ARHGAP29: variants seen among roughly 807,000 people sequenced by gnomAD.
The protein encoded by ARHGAP29 is rho GTPase-activating protein 29.
In ARHGAP29, 43 loss-of-function variants were observed where a neutral mutation model predicts 122.6. The ratio of observed to expected loss-of-function variants is 0.35; its 90% confidence interval spans 0.27 to 0.45. The LOEUF (loss-of-function observed/expected upper bound fraction) is 0.45. ARHGAP29 is among the 20% of genes least tolerant of loss of function. ARHGAP29 has a pLI of 1.00. For missense variants in ARHGAP29, 1,303 were observed against 1,477.2 expected, an observed-to-expected ratio of 0.88 and a Z score of 1.93; for synonymous variants, 506 against 497.1, an observed-to-expected ratio of 1.02 and a Z score of -0.24.
chr1:94,308,573 A>T, the ARHGAP29 span, among the ~76,000 whole-genome samples: 3 of 152,200 alleles, frequency 2.0e-5, no homozygotes, highest in African/African-American at 7.2e-5. Flanking sequence ...ACCCAAGCCA[A>T]GTCACGTCAT....
At chr1:94,302,532 C>T in the ARHGAP29 span, 13 of 317,316 alleles carry the variant, frequency 4.1e-5, no homozygotes, top group African/African-American at 2.2e-4. Flanking sequence ...CATCATGAAG[C>T]GACTCAGCAT....
chr1:94,180,790 T>C (rs17111205), intron 19 of ARHGAP29, among the ~76,000 whole-genome samples: 13,495 of 152,216 alleles, frequency 0.089, 876 homozygotes, highest in African/African-American at 0.17. Context: ...GAATGGAACA[T>C]GGTTTCCCAC....
At chr1:94,219,458 C>T (rs186387622) in intron 3 of ARHGAP29, among the ~76,000 whole-genome samples, 2 of 152,322 alleles carry the variant, frequency 1.3e-5, no homozygotes, top group Non-Finnish European at 2.9e-5. Flanking sequence ...TCCATAACCA[C>T]TAACATTCAA....
intron 3 of ARHGAP29, among the ~76,000 whole-genome samples, chr1:94,209,945 G>C (rs1054891877): frequency 1.3e-5 from 2 of 151,300 alleles, no homozygotes; most frequent in East Asian, 3.9e-4. Flanking sequence ...ACAGGCTCTT[G>C]GGCTCTGAGG....
At chr1:94,177,526 A>G (rs1649168242) in intron 22 of ARHGAP29, 86 bp downstream of exon 22, 1 of 992,480 alleles carries the variant, frequency 1.0e-6, no homozygotes, top group African/African-American at 1.6e-5. Context: ...GGCTTCCCTC[A>G]TTGCCCCTCA....
At chr1:94,215,893 A>T (rs1651931905) in intron 3 of ARHGAP29, among the ~76,000 whole-genome samples, 1 of 152,158 alleles carries the variant, frequency 6.6e-6, no homozygotes, top group African/African-American at 2.4e-5. Flanking sequence ...AGAAAAGCAG[A>T]TAAAAGGTCA....
At chr1:94,211,834 C>T (rs1449794454) in intron 3 of ARHGAP29, among the ~76,000 whole-genome samples, 3 of 152,170 alleles carry the variant, frequency 2.0e-5, no homozygotes, top group African/African-American at 7.2e-5. Flanking sequence ...ATAAATGTGA[C>T]AAGTTGGTGT....
chr1:94,169,714 A>C lies in ARHGAP29; in HGVS notation c.*4155T>G, dbSNP rs954767522. 6.6e-6 allele frequency among the ~76,000 whole-genome samples: 1 copy of C among 152,178 alleles called. No homozygotes were observed. The highest frequency in any genetic ancestry group is 1.5e-5 in the Non-Finnish European group (1 of 68,020). On this transcript the variant is annotated 3_prime_UTR_variant, in exon 23 of 23. Coordinates refer to ENST00000260526, the MANE Select transcript of ARHGAP29 (RefSeq NM_004815.4). ...CATTTCCATATACCATTTCCCATTT[A>C]AAGAAACCAGGGCTCCTTGGAAAAA...
Position 94,169,794 on chromosome 1 carries a change from TA to T in ARHGAP29, c.*4074del, listed in dbSNP as rs996763954. On this transcript the variant is annotated 3_prime_UTR_variant, in exon 23 of 23. Transcript: ENST00000260526. ...TAGGAAAAAGTGTAAGATGAGCTCG[TA>T]AAAAAAATAAGAGGGGAAAAAGCAA... Among the ~76,000 whole-genome samples the T allele has an allele frequency of 6.6e-6, 1 of 151,380 alleles. No homozygotes were observed. The highest frequency in any genetic ancestry group is 1.5e-5 in the Non-Finnish European group (1 of 67,836).
intron 3 of ARHGAP29, among the ~76,000 whole-genome samples, chr1:94,214,506 T>TC (rs1651838634): frequency 6.6e-6 from 1 of 152,210 alleles, no homozygotes; most frequent in African/African-American, 2.4e-5. Flanking sequence ...TTCCATACAA[T>TC]CCTTAGCTCA....
At chr1:94,223,224 G>A (rs990030295) in intron 2 of ARHGAP29, among the ~76,000 whole-genome samples, 6 of 152,206 alleles carry the variant, frequency 3.9e-5, no homozygotes, top group Admixed American at 6.5e-5. Context: ...GATTACAGGC[G>A]TGAGCCACCG....
At position 94,237,567 on chromosome 1, in the gene ARHGAP29, A is replaced by T; in HGVS notation, c.-185T>A. 1.0e-6 allele frequency: 1 copy of T among 991,728 alleles called. No homozygotes were observed. Among genetic ancestry groups the T allele is most frequent in the Non-Finnish European group, 1.2e-6 (1 of 834,738 alleles). The allele number at this position is 991,728 out of a possible 1,614,324, so 61.4% of individuals were successfully genotyped here. A position where few individuals can be genotyped will look rare whatever the true frequency, so the allele number is the denominator to read the frequency against. On this transcript the variant is annotated 5_prime_UTR_variant, in exon 1 of 23. Transcript: ENST00000260526. Reference sequence around the variant, plus strand: ...CGCAGCCGCAGCCGCAGCCACAGCCACAGGCACCACCACCACTGCAGCCGC... The same window carrying T: ...CGCAGCCGCAGCCGCAGCCACAGCCTCAGGCACCACCACCACTGCAGCCGC...
At chr1:94,276,714 G>C (rs1279966310), upstream of ARHGAP29, among the ~76,000 whole-genome samples, 1 of 133,348 alleles carries the variant, frequency 7.5e-6, no homozygotes, top group Non-Finnish European at 1.6e-5. Flanking sequence ...CAAGGAGTTT[G>C]AGGCTACAGT....
At position 94,172,633 on chromosome 1, in the gene ARHGAP29, T is replaced by TATATA. The variant is rs1557832597; in HGVS notation, c.*1235_*1236insTATAT. ...AGTTGATATATATATATATATATAT[T>TATATA]ATCAAGTATAACACAGTCATACAAA... On this transcript the variant is annotated 3_prime_UTR_variant, in exon 23 of 23. Transcript: ENST00000260526. The TATATA allele has an allele frequency of 1.3e-4, 14 of 107,822 alleles. No homozygotes were observed. Among genetic ancestry groups the TATATA allele is most frequent in the South Asian group, 6.4e-4 (2 of 3,124 alleles). The allele number at this position is 107,822 out of a possible 1,614,324, so 6.7% of individuals were successfully genotyped here. A position where few individuals can be genotyped will look rare whatever the true frequency, so the allele number is the denominator to read the frequency against.
In ARHGAP29 at chr1:94,189,095, T is replaced by C. The variant is rs1002416721; in HGVS notation, c.1576+121A>G. 40 of 1,383,258 alleles carry C rather than the reference T, an allele frequency of 2.9e-5. No homozygotes were observed. The South Asian group carries it at 5.0e-4, about 17-fold the overall frequency. The allele number at this position is 1,383,258 out of a possible 1,614,324, so 85.7% of individuals were successfully genotyped here. On this transcript the variant is annotated intron_variant, in intron 14 of 22. Coordinates refer to ENST00000260526, the MANE Select transcript of ARHGAP29 (RefSeq NM_004815.4). ...ACCATGGTAACAACTGTGAATAAGA[T>C]CTCATAAACTTACAAACTAAGGCCT...
At chr1:94,204,133 C>CTTCTTTCTT (rs1651045403) in intron 7 of ARHGAP29, 139 bp from the exon 8 acceptor site, 1 of 489,546 alleles carries the variant, frequency 2.0e-6, no homozygotes, top group South Asian at 4.9e-5. Context: ...TACAGCAATA[C>CTTCTTTCTT]TTCTTTCTTC....
intron 2 of ARHGAP29, among the ~76,000 whole-genome samples, chr1:94,230,622 T>C (rs1652866683): frequency 6.6e-6 from 1 of 151,844 alleles, no homozygotes; most frequent in Admixed American, 6.6e-5. Flanking sequence ...CAAATTTCTA[T>C]AAAGCCCCAA....
chr1:94,314,313 T>C, the ARHGAP29 span, among the ~76,000 whole-genome samples: 1 of 152,242 alleles, frequency 6.6e-6, no homozygotes, highest in African/African-American at 2.4e-5. Context: ...GAAAGCTGCC[T>C]CTCAGAGTCA....
At chr1:94,189,403 T>C (rs1323395922) in intron 13 of ARHGAP29, 51 bp from the exon 14 acceptor site, 1 of 1,521,854 alleles carries the variant, frequency 6.6e-7, no homozygotes, top group Non-Finnish European at 8.9e-7. Flanking sequence ...CAAAGAATAA[T>C]AATCAGTTGA....
Sources: allele counts gnomAD v4.1 joint callset (sites outside exome capture counted in the v4.1 genomes callset), GRCh38; gene constraint gnomAD v4.1.1; transcripts MANE v1.5; gene names NCBI Gene and HGNC (gene_info 2026-07-23, HGNC 2026-07-21).